The following VTI1A variants were observed in gnomAD, a reference collection of about 807,000 sequenced individuals.
VTI1A encodes vesicle transport through interaction with t-SNAREs homolog 1A.
A neutral mutation model predicts 34.9 loss-of-function variants in VTI1A; 22 were observed. The ratio of observed to expected loss-of-function variants is 0.63; its 90% confidence interval spans 0.45 to 0.90. The LOEUF (loss-of-function observed/expected upper bound fraction) is 0.90. Ranked by LOEUF, VTI1A falls within the 40% of genes least tolerant of loss-of-function variation. VTI1A has a pLI of 0.00. For missense variants in VTI1A, 268 were observed against 275.6 expected (o/e 0.97, Z 0.20); for synonymous variants, 87 against 97.3 (o/e 0.89, Z 0.62).
At chr10:112,739,943 T>G (rs546964862) in intron 7 of VTI1A, among the ~76,000 whole-genome samples, 11 of 152,376 alleles carry the variant, frequency 7.2e-5, no homozygotes, top group Middle Eastern at 3.4e-3. Context: ...ATTAATCATT[T>G]TTTTTAAATT....
At chr10:112,806,434 C>T (rs970149685) in intron 7 of VTI1A, among the ~76,000 whole-genome samples, 10 of 151,898 alleles carry the variant, frequency 6.6e-5, no homozygotes, top group East Asian at 1.9e-4. Context: ...TACAGGCACA[C>T]GCCACCACAC....
intron 5 of VTI1A, among the ~76,000 whole-genome samples, chr10:112,572,744 C>G (rs1852184855): frequency 6.6e-6 from 1 of 151,106 alleles, no homozygotes; most frequent in Non-Finnish European, 1.5e-5. Flanking sequence ...AGGCTGAAGG[C>G]AGGAGAACGG....
chr10:112,828,105 G>C, the VTI1A span, among the ~76,000 whole-genome samples: 1 of 152,070 alleles, frequency 6.6e-6, no homozygotes, highest in African/African-American at 2.4e-5. Context: ...CAATTAGGTC[G>C]CCGTGGAAAA....
chr10:112,804,925 A>T (rs1267237561), intron 7 of VTI1A, among the ~76,000 whole-genome samples: 2 of 131,758 alleles, frequency 1.5e-5, no homozygotes, highest in Admixed American at 9.6e-5. Flanking sequence ...CAGTCGTGCG[A>T]TCACAGGTCA....
At position 112,453,037 on chromosome 10, in the gene VTI1A, G is replaced by A. The variant is rs116892176; in HGVS notation, c.94+5570G>A. On this transcript the variant is annotated intron_variant, in intron 1 of 7. Coordinates refer to ENST00000393077, the MANE Select transcript of VTI1A (RefSeq NM_145206.4). Reference sequence around the variant, plus strand: ...AACATTTAGTACTCATGGATTTTTAGGCCCCTCATGGCTATGACAGTTTCT... The same window carrying A: ...AACATTTAGTACTCATGGATTTTTAAGCCCCTCATGGCTATGACAGTTTCT... 3.5e-4 allele frequency among the ~76,000 whole-genome samples: 54 copies of A among 152,138 alleles called. No homozygotes were observed. In the East Asian group the frequency reaches 8.7e-3, roughly 24 times the overall value.
the VTI1A span, among the ~76,000 whole-genome samples, chr10:112,847,584 C>A: frequency 6.6e-6 from 1 of 152,212 alleles, no homozygotes. Flanking sequence ...CTCAACCTTT[C>A]CCTGTTTCTA....
chr10:112,729,982 G>T (rs1002044917), intron 7 of VTI1A, among the ~76,000 whole-genome samples: 1 of 152,256 alleles, frequency 6.6e-6, no homozygotes, highest in African/African-American at 2.4e-5. Context: ...CAATCCAGGG[G>T]CCCCAACATC....
intron 5 of VTI1A, among the ~76,000 whole-genome samples, chr10:112,542,553 G>A (rs888234536): frequency 1.2e-4 from 19 of 152,142 alleles, no homozygotes; most frequent in African/African-American, 4.6e-4. Context: ...GAGCCTTCCT[G>A]CCACGAAGAA....
chr10:112,741,738 C>CTT (rs34086500), intron 7 of VTI1A, among the ~76,000 whole-genome samples: 1 of 152,012 alleles, frequency 6.6e-6, no homozygotes. Flanking sequence ...CATATCTGAA[C>CTT]TTTTTTACCA....
At chr10:112,681,082 T>G (rs1048340214) in intron 7 of VTI1A, among the ~76,000 whole-genome samples, 2 of 151,134 alleles carry the variant, frequency 1.3e-5, no homozygotes, top group Non-Finnish European at 3.0e-5. Context: ...TCTTTTCTTT[T>G]TTTTTTTTTT....
chr10:112,691,153 T>C (rs1238746726), intron 7 of VTI1A, among the ~76,000 whole-genome samples: 1 of 151,768 alleles, frequency 6.6e-6, no homozygotes, highest in Non-Finnish European at 1.5e-5. Flanking sequence ...CCCAGCTGCT[T>C]GGGAGGCTGA....
the VTI1A span, among the ~76,000 whole-genome samples, chr10:112,841,300 G>A: frequency 6.6e-6 from 1 of 152,166 alleles, no homozygotes; most frequent in South Asian, 2.1e-4. Context: ...CAAGGTGTGG[G>A]TCCCAAAACC....
intron 7 of VTI1A, among the ~76,000 whole-genome samples, chr10:112,711,621 A>G (rs1849420414): frequency 6.6e-6 from 1 of 152,222 alleles, no homozygotes; most frequent in Admixed American, 6.5e-5. Context: ...GCCAAGTTCA[A>G]GACCGGTGAC....
At chr10:112,685,441 T>G (rs1211100181) in intron 7 of VTI1A, among the ~76,000 whole-genome samples, 2 of 152,214 alleles carry the variant, frequency 1.3e-5, no homozygotes, top group African/African-American at 2.4e-5. Context: ...GTTGCATTAC[T>G]GGTTTCCTTG....
chr10:112,519,379 A>C (rs1209067350), intron 3 of VTI1A, among the ~76,000 whole-genome samples: 1 of 152,120 alleles, frequency 6.6e-6, no homozygotes, highest in Non-Finnish European at 1.5e-5. Flanking sequence ...GTTATGACTC[A>C]CCCTCTGAGA....
At chr10:112,465,288 G>A (rs1383151228) in intron 3 of VTI1A, among the ~76,000 whole-genome samples, 2 of 152,166 alleles carry the variant, frequency 1.3e-5, no homozygotes, top group Admixed American at 1.3e-4. Flanking sequence ...AAGACATAAT[G>A]TTAAAGTTGT....
chr10:112,565,975 G>A (rs538538379), intron 5 of VTI1A, among the ~76,000 whole-genome samples: 6 of 152,068 alleles, frequency 3.9e-5, no homozygotes, highest in African/African-American at 1.4e-4. Context: ...TTAAGCATGT[G>A]AAGTCATTTT....
At chr10:112,751,145 G>A (rs971044812) in intron 7 of VTI1A, among the ~76,000 whole-genome samples, 11 of 152,182 alleles carry the variant, frequency 7.2e-5, no homozygotes, top group Non-Finnish European at 1.5e-4. Flanking sequence ...TAACGTCAGT[G>A]CTTGAGCTAG....
chr10:112,537,673 T>G (rs1434844616), intron 4 of VTI1A, among the ~76,000 whole-genome samples: 2 of 152,122 alleles, frequency 1.3e-5, no homozygotes, highest in African/African-American at 4.8e-5. Context: ...ATGTGTCTCT[T>G]GTTTCTTAGT....
Sources: gnomAD v4.1 joint callset for allele counts (sites outside exome capture counted in the v4.1 genomes callset) on GRCh38, gnomAD v4.1.1 for gene constraint, MANE v1.5 for transcripts, NCBI Gene and HGNC (gene_info 2026-07-23, HGNC 2026-07-21) for gene names.